AHRR: variants seen among roughly 807,000 people sequenced by gnomAD.
AHRR encodes aryl hydrocarbon receptor repressor, also known as ahR repressor.
AHRR carries 28 observed loss-of-function variants against 44.0 expected under a neutral mutation model. The ratio of observed to expected loss-of-function variants is 0.64; its 90% CI spans 0.47 to 0.87. The LOEUF (loss-of-function observed/expected upper bound fraction) is 0.87. Ranked by LOEUF, AHRR falls within the 40% of genes least tolerant of loss-of-function variation. The pLI is 0.00. For missense variants in AHRR, 990 were observed against 953.9 expected (o/e 1.04, Z -0.50); for synonymous variants, 434 against 407.0 (o/e 1.07, Z -0.80).
intron 7 of AHRR, chr5:427,527 C>G (rs1435337117): frequency 7.5e-7 from 1 of 1,330,438 alleles, no homozygotes. Context: ...CACACATGAA[C>G]AGGCACACAC....
intron 1 of AHRR, chr5:343,448 G>GAACCCC (rs1742431131): frequency 5.1e-6 from 1 of 194,190 alleles, no homozygotes; most frequent in Non-Finnish European, 1.0e-5. Context: ...CGGGAACACG[G>GAACCCC]GACCCCGCGT....
intron 1 of AHRR, among the ~76,000 whole-genome samples, chr5:327,927 C>T (rs1741767992): frequency 6.6e-6 from 1 of 152,156 alleles, no homozygotes; most frequent in African/African-American, 2.4e-5. Flanking sequence ...AATGCTATCC[C>T]TCCCCGCTCC....
At chr5:386,761 G>A (rs1416282985) in intron 4 of AHRR, among the ~76,000 whole-genome samples, 4 of 151,024 alleles carry the variant, frequency 2.6e-5, no homozygotes, top group Non-Finnish European at 5.9e-5. Flanking sequence ...TAACCCAGAC[G>A]TCATCCCGGA....
rs1249960846 is a variant in AHRR, at chr5:435,870, G to A, written c.*1036G>A. The A allele has an allele frequency of 6.5e-6, 1 of 152,754 alleles. No homozygotes were observed. Among genetic ancestry groups the A allele is most frequent in the Non-Finnish European group, 1.5e-5 (1 of 68,052 alleles). 9.5% of individuals were successfully genotyped at this position (152,754 alleles called of 1,614,324 possible). ...TAAAGGCGATATTTTCTGAGAGTAG[G>A]AAATTTGGATACAAAAGCATAAGTC... is the stretch of plus-strand genomic sequence containing the variant. On this transcript the variant is annotated 3_prime_UTR_variant, in exon 11 of 11. Transcript: ENST00000684583.
At chr5:417,482 C>T (rs1022727010) in intron 5 of AHRR, among the ~76,000 whole-genome samples, 6 of 152,010 alleles carry the variant, frequency 3.9e-5, no homozygotes, top group Non-Finnish European at 7.4e-5. Context: ...TAGAGAAGGC[C>T]GCTTGGTCTG....
At chr5:375,403 G>T (rs1189234263) in intron 3 of AHRR, among the ~76,000 whole-genome samples, 1 of 152,190 alleles carries the variant, frequency 6.6e-6, no homozygotes, top group African/African-American at 2.4e-5. Flanking sequence ...TGGGGAGTGA[G>T]GGTGGTGGGG....
chr5:367,254 A>G (rs950009334), intron 3 of AHRR, among the ~76,000 whole-genome samples: 1 of 152,208 alleles, frequency 6.6e-6, no homozygotes, highest in Admixed American at 6.5e-5. Flanking sequence ...CAGGGGGAGA[A>G]CGGGAGTTCG....
At chr5:375,773 G>A (rs972381670) in intron 3 of AHRR, among the ~76,000 whole-genome samples, 6 of 152,186 alleles carry the variant, frequency 3.9e-5, no homozygotes, top group Non-Finnish European at 7.4e-5. Flanking sequence ...AGCTGGGGAG[G>A]GGTGTCCCTC....
Position 373,915 on chromosome 5 carries a change from C to A in AHRR, c.245-2695C>A, listed in dbSNP as rs1168571633. On this transcript the variant is annotated intron_variant, in intron 3 of 10. Coordinates refer to ENST00000684583, the MANE Select transcript of AHRR (RefSeq NM_001377236.1). ...CCCCATCGCGTGACGGCGCCGGCGG[C>A]TGCGGGGGAAGTAGGGGGGAAGTGG... 4.0e-5 allele frequency among the ~76,000 whole-genome samples: 6 copies of A among 150,982 alleles called. No homozygotes were observed. In the South Asian group the frequency reaches 1.2e-3, roughly 31 times the overall value.
intron 1 of AHRR, among the ~76,000 whole-genome samples, chr5:332,499 C>G (rs902805302): frequency 6.6e-6 from 1 of 152,074 alleles, no homozygotes; most frequent in African/African-American, 2.4e-5. Flanking sequence ...AACTCCTGAC[C>G]TCATGATCCA....
At chr5:393,709 C>G (rs2126478755) in intron 4 of AHRR, among the ~76,000 whole-genome samples, 1 of 152,252 alleles carries the variant, frequency 6.6e-6, no homozygotes, top group East Asian at 1.9e-4. Flanking sequence ...ACGATCTTGG[C>G]TCACTGCAAC....
chr5:346,542 C>T (rs896775650), intron 2 of AHRR, among the ~76,000 whole-genome samples: 3 of 152,180 alleles, frequency 2.0e-5, no homozygotes, highest in Non-Finnish European at 2.9e-5. Flanking sequence ...ACGTCTGCTA[C>T]CCAAATCTCT....
chr5:370,332 C>A lies in AHRR; in HGVS notation c.245-6278C>A, dbSNP rs1743531198. ...GGTTGTGCAGCATTTCCTGGATCCA[C>A]AGTCAGGTCAGGCAATTCTGGGGCG... On this transcript the variant is annotated intron_variant, in intron 3 of 10. Transcript: ENST00000684583. The surrounding 1 kb of genome is among the most constrained non-coding windows in gnomAD (Gnocchi z 4.5). 6.6e-6 allele frequency among the ~76,000 whole-genome samples: 1 copy of A among 152,202 alleles called. No individual in the cohort carries two copies. Among genetic ancestry groups the A allele is most frequent in the Non-Finnish European group, 1.5e-5 (1 of 68,040 alleles).
rs574967112 is a variant in AHRR at position 395,641 on chromosome 5, G to A, written c.352-17703G>A. Among the ~76,000 whole-genome samples the A allele has an allele frequency of 2.0e-4, 30 of 152,332 alleles. No homozygotes were observed. Among genetic ancestry groups the A allele is most frequent in the African/African-American group, 7.0e-4 (29 of 41,576 alleles). ...CCAAGCCGCTCGGCAGACGGTCATCGGGCCGCGCTGCTGCTCTGGTGTGGT... is the reference window on the plus strand; with the variant it reads ...CCAAGCCGCTCGGCAGACGGTCATCAGGCCGCGCTGCTGCTCTGGTGTGGT... On this transcript the variant is annotated intron_variant, in intron 4 of 10. Coordinates refer to ENST00000684583, the MANE Select transcript of AHRR (RefSeq NM_001377236.1). This position sits in a 1 kb window ranked among gnomAD's most constrained non-coding sequence, Gnocchi z 5.3.
intron 3 of AHRR, among the ~76,000 whole-genome samples, chr5:369,938 C>G (rs909717266): frequency 3.3e-5 from 5 of 152,246 alleles, no homozygotes; most frequent in Admixed American, 3.3e-4. Flanking sequence ...CCTCATTTGA[C>G]GTAAAACTTG....
chr5:360,377 T>A (rs930234122), intron 3 of AHRR, among the ~76,000 whole-genome samples: 3 of 151,912 alleles, frequency 2.0e-5, no homozygotes, highest in African/African-American at 7.3e-5. Context: ...CGGACGGGGG[T>A]GTTTATTATA....
rs950105052 is a variant in AHRR at position 342,023 on chromosome 5, T to C, written c.-10-1870T>C. On this transcript the variant is annotated intron_variant, in intron 1 of 10. Coordinates refer to ENST00000684583, the MANE Select transcript of AHRR (RefSeq NM_001377236.1). This position sits in a 1 kb window ranked among gnomAD's most constrained non-coding sequence, Gnocchi z 4.3. ...ATATTTGGAAAATTTCTAGATATCT[T>C]TATAGTTTAATTCCATTATGTCAAA... is the stretch of plus-strand genomic sequence containing the variant. Among the ~76,000 whole-genome samples the C allele has an allele frequency of 4.6e-5, 7 of 152,322 alleles. No homozygotes were observed. In the South Asian group the frequency reaches 1.4e-3, roughly 32 times the overall value.
chr5:349,451 G>A (rs1449089707), intron 2 of AHRR, among the ~76,000 whole-genome samples: 1 of 151,930 alleles, frequency 6.6e-6, no homozygotes, highest in Non-Finnish European at 1.5e-5. Flanking sequence ...ACGGTGGCGG[G>A]CGCCTGTAGT....
chr5:391,321 G>GCACGAACA (rs1734411374), intron 4 of AHRR, among the ~76,000 whole-genome samples: 2 of 133,182 alleles, frequency 1.5e-5, no homozygotes, highest in African/African-American at 2.8e-5. Flanking sequence ...GCCAGAGCGT[G>GCACGAACA]CACGGGCGCA....
Sources: allele counts gnomAD v4.1 joint callset (sites outside exome capture counted in the v4.1 genomes callset), GRCh38; gene constraint gnomAD v4.1.1; non-coding constraint Gnocchi (gnomAD v3.1); transcripts MANE v1.5; gene names NCBI Gene and HGNC (gene_info 2026-07-23, HGNC 2026-07-21).